IQSEC1: variants seen among roughly 807,000 people sequenced by gnomAD.
The protein encoded by IQSEC1 is IQ motif and SEC7 domain-containing protein 1.
Under a neutral mutation model 91.0 loss-of-function variants are expected in IQSEC1, and 31 were observed. The ratio of observed to expected loss-of-function variants is 0.34; its 90% CI spans 0.26 to 0.46. IQSEC1 has a LOEUF of 0.46. Among genes scored for constraint, IQSEC1 ranks in the 20% least tolerant of loss-of-function variants. The pLI is 1.00. For missense variants in IQSEC1, 1,388 were observed against 1,575.6 expected, an observed-to-expected ratio of 0.88 and a Z score of 2.02; for synonymous variants, 699 against 662.6, an observed-to-expected ratio of 1.05 and a Z score of -0.84.
chr3:13,241,052 G>C (rs929380602), intron 1 of IQSEC1, among the ~76,000 whole-genome samples: 1 of 152,214 alleles, frequency 6.6e-6, no homozygotes, highest in Non-Finnish European at 1.5e-5. Context: ...CCAGGCACTT[G>C]ATGGTCTGAA....
intron 1 of IQSEC1, among the ~76,000 whole-genome samples, chr3:12,973,051 G>A (rs1448943121): frequency 6.6e-6 from 1 of 152,194 alleles, no homozygotes; most frequent in Non-Finnish European, 1.5e-5. Flanking sequence ...TGTGAATTTG[G>A]GACGTGCCAT....
At chr3:13,181,234 G>A (rs1693838397) in intron 1 of IQSEC1, among the ~76,000 whole-genome samples, 1 of 152,216 alleles carries the variant, frequency 6.6e-6, no homozygotes, top group Admixed American at 6.5e-5. Flanking sequence ...TCACGCCACT[G>A]CACTCCAGAC....
intron 1 of IQSEC1, among the ~76,000 whole-genome samples, chr3:13,249,605 G>C (rs113991523): frequency 0.01 from 1,541 of 152,244 alleles, 15 homozygotes; most frequent in Middle Eastern, 0.017. Flanking sequence ...AGCTGTTATG[G>C]AGTTCGAATA....
At chr3:12,956,762 T>A (rs1699933587) in intron 1 of IQSEC1, among the ~76,000 whole-genome samples, 1 of 152,090 alleles carries the variant, frequency 6.6e-6, no homozygotes, top group Non-Finnish European at 1.5e-5. Context: ...TGGGGGGAGC[T>A]CTACGTGCAA....
At chr3:13,225,965 C>T (rs1488553774) in intron 1 of IQSEC1, among the ~76,000 whole-genome samples, 1 of 152,024 alleles carries the variant, frequency 6.6e-6, no homozygotes, top group Non-Finnish European at 1.5e-5. Context: ...CTGCAACCTC[C>T]GCCTCCTGGG....
chr3:13,040,500 C>T (rs1024755926), intron 1 of IQSEC1, among the ~76,000 whole-genome samples: 18 of 152,330 alleles, frequency 1.2e-4, no homozygotes, highest in African/African-American at 3.1e-4. Flanking sequence ...AGCGCTCTCA[C>T]GGGTTCCTCC....
intron 3 of IQSEC1, among the ~76,000 whole-genome samples, chr3:12,932,570 A>G (rs1310093338): frequency 6.6e-6 from 1 of 152,108 alleles, no homozygotes; most frequent in African/African-American, 2.4e-5. Flanking sequence ...GCCCATCACA[A>G]TGCCTGTTTG....
chr3:12,924,685 G>C lies in IQSEC1; in HGVS notation c.1626C>G (p.Pro542=), dbSNP rs550832223. The change falls in exon 4 of 14, where the codon CCC becomes CCG. Residue 542 remains proline (P), a synonymous_variant. Transcript: ENST00000613206. This position sits in a 1 kb window ranked among gnomAD's most constrained non-coding sequence, Gnocchi z 6.3. ...LIERGFVPDT[P]VGVAHFLLQR... The stretch of plus-strand genomic sequence containing the variant: ...GCAGCAGGAAGTGGGCCACCCCGAC[G>C]GGCGTGTCGGGCACAAAGCCACGCT... 2 of 1,608,616 alleles carry C rather than the reference G, an allele frequency of 1.2e-6. No individual in the cohort carries two copies. Among genetic ancestry groups the C allele is most frequent in the Admixed American group, 1.7e-5 (1 of 59,476 alleles).
chr3:12,950,556 C>T (rs760820115), intron 1 of IQSEC1, among the ~76,000 whole-genome samples: 8 of 152,048 alleles, frequency 5.3e-5, no homozygotes, highest in African/African-American at 1.4e-4. Flanking sequence ...TCTGTAGTCC[C>T]GGTGCTTTCG....
At chr3:13,281,537 G>A (rs988780300) in intron 1 of IQSEC1, among the ~76,000 whole-genome samples, 5 of 151,444 alleles carry the variant, frequency 3.3e-5, no homozygotes, top group African/African-American at 1.2e-4. Context: ...AGCCCCACCC[G>A]CACCGCCCAG....
At chr3:13,263,489 C>T (rs935596218) in intron 1 of IQSEC1, among the ~76,000 whole-genome samples, 7 of 144,772 alleles carry the variant, frequency 4.8e-5, no homozygotes, top group Non-Finnish European at 1.1e-4. Context: ...GTCACCCAGG[C>T]TGAAGTGCAA....
At chr3:13,121,817 G>A (rs1365152244) in intron 2 of IQSEC1, among the ~76,000 whole-genome samples, 1 of 152,222 alleles carries the variant, frequency 6.6e-6, no homozygotes, top group Non-Finnish European at 1.5e-5. Context: ...GCTGGGGTCT[G>A]AGCACTGAGG....
intron 1 of IQSEC1, among the ~76,000 whole-genome samples, chr3:13,220,603 G>C (rs2125074151): frequency 6.6e-6 from 1 of 152,330 alleles, no homozygotes; most frequent in Admixed American, 6.5e-5. Context: ...CCTATTTCCT[G>C]GTCGGGACAA....
intron 2 of IQSEC1, among the ~76,000 whole-genome samples, chr3:13,157,653 G>A (rs1406442044): frequency 4.7e-4 from 72 of 152,152 alleles, no homozygotes; most frequent in Non-Finnish European, 2.9e-5. Context: ...GGGGAGCAAA[G>A]GAAGGAAGGA....
intron 1 of IQSEC1, among the ~76,000 whole-genome samples, chr3:13,006,894 G>A (rs778141327): frequency 1.3e-5 from 2 of 152,222 alleles, no homozygotes; most frequent in African/African-American, 2.4e-5. Context: ...CTCTGGGCCG[G>A]GCTCTGACTG....
At position 12,967,891 on chromosome 3, in the gene IQSEC1, G is replaced by C. The variant is rs1348480811; in HGVS notation, c.24-26026C>G. 2.0e-5 allele frequency among the ~76,000 whole-genome samples: 3 copies of C among 146,488 alleles called. No homozygotes were observed. The highest frequency in any genetic ancestry group is 8.1e-5 in the African/African-American group (3 of 37,262). ...CGGCGCCGCGGAAGAAGCACAGGGG[G>C]CGGGGGGTCAGGGGCGGGGCGTCAG... On this transcript the variant is annotated intron_variant, in intron 1 of 13. Coordinates refer to ENST00000613206, the MANE Select transcript of IQSEC1 (RefSeq NM_001134382.3). This position sits in a 1 kb window ranked among gnomAD's most constrained non-coding sequence, Gnocchi z 5.9.
At chr3:12,902,685 A>AG in intron 13 of IQSEC1, 88 bp downstream of exon 13, 1 of 674,322 alleles carries the variant, frequency 1.5e-6, no homozygotes, top group Non-Finnish European at 2.5e-6. Context: ...AAAAAAAAAA[A>AG]AAAAAAAAAC....
chr3:12,933,933 T>C (rs1205795252), intron 3 of IQSEC1, among the ~76,000 whole-genome samples: 1 of 152,242 alleles, frequency 6.6e-6, no homozygotes, highest in Non-Finnish European at 1.5e-5. Context: ...AGGTGGTTTT[T>C]CCTGGTTTCC....
intron 2 of IQSEC1, among the ~76,000 whole-genome samples, chr3:13,113,526 C>G (rs924676458): frequency 6.6e-6 from 1 of 152,208 alleles, no homozygotes; most frequent in South Asian, 2.1e-4. Context: ...CTGCACCTGC[C>G]GCCCCTCAGG....
Sources: gnomAD v4.1 joint callset for allele counts (sites outside exome capture counted in the v4.1 genomes callset) on GRCh38, gnomAD v4.1.1 for gene constraint, Gnocchi (gnomAD v3.1) non-coding constraint, MANE v1.5 for transcripts, NCBI Gene and HGNC (gene_info 2026-07-23, HGNC 2026-07-21) for gene names.